MINDY2: variants seen among roughly 807,000 people sequenced by gnomAD.
MINDY2 encodes the protein MINDY lysine 48 deubiquitinase 2.
Under a neutral mutation model 68.2 loss-of-function variants are expected in MINDY2, and 52 were observed. That is an observed-to-expected ratio of 0.76 (90% CI 0.61 to 0.96). The LOEUF (loss-of-function observed/expected upper bound fraction) is 0.96. Among genes scored for constraint, MINDY2 ranks in the 40% least tolerant of loss-of-function variants. The pLI is 0.00. For synonymous variants in MINDY2, 372 were observed against 303.0 expected (o/e 1.23, Z -2.36); for missense variants, 881 against 773.4 (o/e 1.14, Z -1.65).
At chr15:58,779,964 G>A (rs1406542444) in intron 1 of MINDY2, among the ~76,000 whole-genome samples, 1 of 152,092 alleles carries the variant, frequency 6.6e-6, no homozygotes, top group African/African-American at 2.4e-5. Context: ...CAATCATAGG[G>A]GCTTTGAATA....
intron 1 of MINDY2, among the ~76,000 whole-genome samples, chr15:58,787,387 T>A (rs1285954172): frequency 6.6e-6 from 1 of 152,100 alleles, no homozygotes; most frequent in Non-Finnish European, 1.5e-5. Context: ...GCATTACTTT[T>A]AATAGCAAAA....
intron 6 of MINDY2, 148 bp from the exon 7 acceptor site, chr15:58,847,149 C>A: frequency 1.9e-6 from 1 of 520,350 alleles, no homozygotes; most frequent in Non-Finnish European, 3.1e-6. Context: ...AAAATATCTA[C>A]TTGGTCTATT....
chr15:58,810,152 A>G, intron 3 of MINDY2, 78 bp from the exon 4 acceptor site: 1 of 1,255,898 alleles, frequency 8.0e-7, no homozygotes, highest in Non-Finnish European at 1.1e-6. Flanking sequence ...TTAAAAGTAA[A>G]TGTGCTTGTA....
At chr15:58,774,880 CTG>C (rs1900682758) in intron 1 of MINDY2, among the ~76,000 whole-genome samples, 1 of 152,184 alleles carries the variant, frequency 6.6e-6, no homozygotes, top group Non-Finnish European at 1.5e-5. Flanking sequence ...TTTTATCAGA[CTG>C]TGAATGAGCA....
intron 6 of MINDY2, among the ~76,000 whole-genome samples, chr15:58,844,489 T>G (rs813220): frequency 0.2 from 28,662 of 146,024 alleles, 2,970 homozygotes; most frequent in South Asian, 0.38. Context: ...GAGGCGGAGG[T>G]TGCAGTGAGC....
rs769915400 is a variant in MINDY2 at position 58,771,491 on chromosome 15, G to A, written c.96G>A (p.Glu32=). The A allele has an allele frequency of 6.2e-7, 1 of 1,612,378 alleles. No individual in the cohort carries two copies. The highest frequency in any genetic ancestry group is 1.3e-5 in the African/African-American group (1 of 74,898). The change falls in exon 1 of 9, where the codon GAG becomes GAA. Residue 32 remains glutamate (E), a synonymous_variant. Transcript: ENST00000559228. ...GTGSSQEGLQ[E]TRLAAGDGPG... Reference sequence around the variant, plus strand: ...GTTCTTCGCAGGAAGGGCTACAGGAGACCAGGCTCGCCGCTGGTGATGGTC... The same window carrying A: ...GTTCTTCGCAGGAAGGGCTACAGGAAACCAGGCTCGCCGCTGGTGATGGTC...
intron 1 of MINDY2, among the ~76,000 whole-genome samples, chr15:58,776,362 C>G (rs1275400620): frequency 3.3e-5 from 5 of 151,884 alleles, no homozygotes; most frequent in African/African-American, 1.2e-4. Context: ...AGAGAGAAAA[C>G]AGAGGAATAA....
chr15:58,835,086 T>A (rs1285572364), intron 6 of MINDY2, among the ~76,000 whole-genome samples: 1 of 152,230 alleles, frequency 6.6e-6, no homozygotes, highest in Admixed American at 6.5e-5. Flanking sequence ...ATTGAGCATG[T>A]ATCATGTCTG....
chr15:58,810,818 G>T (rs115139464), intron 4 of MINDY2, among the ~76,000 whole-genome samples: 1 of 152,170 alleles, frequency 6.6e-6, no homozygotes, highest in African/African-American at 2.4e-5. Flanking sequence ...ATCTAGGAGG[G>T]TTCCAACTGT....
intron 4 of MINDY2, among the ~76,000 whole-genome samples, chr15:58,814,164 T>A (rs1194916536): frequency 6.6e-6 from 1 of 152,098 alleles, no homozygotes; most frequent in African/African-American, 2.4e-5. Flanking sequence ...GGTCATGAAC[T>A]CCTGACTTCA....
In MINDY2 at chr15:58,823,257, C is replaced by T. The variant is rs144634000; in HGVS notation, c.1225+1438C>T. 1.5e-3 allele frequency among the ~76,000 whole-genome samples: 227 copies of T among 151,794 alleles called. 1 individual carries two copies. Among genetic ancestry groups the T allele is most frequent in the Admixed American group, 3.9e-3 (60 of 15,210 alleles). ...GGATGAAGCCATTCTCCTTCCTCAGCCTCCTGAGTAGCTGGGATTACAGGC... is the reference window on the plus strand; with the variant it reads ...GGATGAAGCCATTCTCCTTCCTCAGTCTCCTGAGTAGCTGGGATTACAGGC... On this transcript the variant is annotated intron_variant, in intron 5 of 8. Transcript: ENST00000559228.
chr15:58,790,531 A>G (rs1282861968), intron 2 of MINDY2, among the ~76,000 whole-genome samples: 1 of 152,176 alleles, frequency 6.6e-6, no homozygotes, highest in African/African-American at 2.4e-5. Context: ...GACTGACATG[A>G]TCTAACTTTG....
At chr15:58,835,970 C>A (rs1214156859) in intron 6 of MINDY2, among the ~76,000 whole-genome samples, 1 of 152,008 alleles carries the variant, frequency 6.6e-6, no homozygotes, top group East Asian at 1.9e-4. Flanking sequence ...AGTGCAATGG[C>A]ACAATCTCGG....
intron 1 of MINDY2, among the ~76,000 whole-genome samples, chr15:58,783,592 C>G (rs1295822854): frequency 6.6e-6 from 1 of 152,130 alleles, no homozygotes; most frequent in African/African-American, 2.4e-5. Context: ...TATTTTTGGT[C>G]TTGCTTGAGT....
intron 1 of MINDY2, among the ~76,000 whole-genome samples, chr15:58,785,491 A>C (rs1901436197): frequency 2.0e-5 from 3 of 152,206 alleles, no homozygotes; most frequent in Non-Finnish European, 4.4e-5. Flanking sequence ...ATTGTAGTGC[A>C]AAAGCAGCCA....
At chr15:58,846,894 T>C (rs2032564782) in intron 6 of MINDY2, among the ~76,000 whole-genome samples, 1 of 152,100 alleles carries the variant, frequency 6.6e-6, no homozygotes. Flanking sequence ...CTGGTGTGGA[T>C]TGGACTAGTC....
At chr15:58,782,341 A>C (rs986604336) in intron 1 of MINDY2, among the ~76,000 whole-genome samples, 2 of 152,194 alleles carry the variant, frequency 1.3e-5, no homozygotes, top group Non-Finnish European at 2.9e-5. Flanking sequence ...TAGTGCGTCC[A>C]TTTTGCCTTA....
At chr15:58,784,705 A>G (rs1230414309) in intron 1 of MINDY2, among the ~76,000 whole-genome samples, 1 of 146,324 alleles carries the variant, frequency 6.8e-6, no homozygotes, top group Non-Finnish European at 1.5e-5. Context: ...CTTCAGCTTC[A>G]AATTCCTGGG....
intron 3 of MINDY2, among the ~76,000 whole-genome samples, chr15:58,802,816 G>C (rs1902755040): frequency 6.6e-6 from 1 of 152,166 alleles, no homozygotes; most frequent in Non-Finnish European, 1.5e-5. Flanking sequence ...CTATTTGATA[G>C]TTTCAGTATC....
Sources: gnomAD v4.1 joint callset for allele counts (sites outside exome capture counted in the v4.1 genomes callset) on GRCh38, gnomAD v4.1.1 for gene constraint, MANE v1.5 for transcripts, NCBI Gene and HGNC (gene_info 2026-07-23, HGNC 2026-07-21) for gene names.